MAGI2: variants seen among roughly 807,000 people sequenced by gnomAD.
MAGI2 encodes membrane associated guanylate kinase, WW and PDZ domain containing 2.
MAGI2 carries 35 observed loss-of-function variants against 133.3 expected under a neutral mutation model. The ratio of observed to expected loss-of-function variants is 0.26; its 90% CI spans 0.20 to 0.35. The LOEUF (loss-of-function observed/expected upper bound fraction) is 0.35. MAGI2 is among the 10% of genes least tolerant of loss of function. The pLI is 1.00. For synonymous variants in MAGI2, 729 were observed against 710.6 expected, an observed-to-expected ratio of 1.03 and a Z score of -0.41; for missense variants, 1,636 against 1,863.4, an observed-to-expected ratio of 0.88 and a Z score of 2.25.
At chr7:78,284,722 G>A (rs1055629498) in intron 9 of MAGI2, among the ~76,000 whole-genome samples, 4 of 151,988 alleles carry the variant, frequency 2.6e-5, no homozygotes, top group African/African-American at 9.7e-5. Context: ...GTCTTCAGTG[G>A]AGAAACTTAG....
intron 1 of MAGI2, among the ~76,000 whole-genome samples, chr7:79,119,291 C>T (rs761486769): frequency 6.6e-6 from 1 of 152,000 alleles, no homozygotes; most frequent in African/African-American, 2.4e-5. Context: ...TTCCAGGACA[C>T]GTTTCAAAGC....
chr7:78,598,420 C>T (rs1804845108), intron 3 of MAGI2, among the ~76,000 whole-genome samples: 1 of 151,806 alleles, frequency 6.6e-6, no homozygotes, highest in Non-Finnish European at 1.5e-5. Flanking sequence ...TATGAGAGGG[C>T]ATGGCCTATT....
chr7:79,268,837 C>A (rs188007858), intron 1 of MAGI2, among the ~76,000 whole-genome samples: 18 of 152,160 alleles, frequency 1.2e-4, no homozygotes, highest in African/African-American at 4.3e-4. Context: ...GTGCTGGCCT[C>A]TGCCTCAACA....
intron 1 of MAGI2, among the ~76,000 whole-genome samples, chr7:79,081,725 C>G (rs1369062758): frequency 6.6e-6 from 1 of 152,010 alleles, no homozygotes; most frequent in Non-Finnish European, 1.5e-5. Flanking sequence ...TCCCCAGTAT[C>G]AAGAGGGGAT....
At chr7:79,240,368 A>G (rs1287195400) in intron 1 of MAGI2, among the ~76,000 whole-genome samples, 4 of 151,982 alleles carry the variant, frequency 2.6e-5, no homozygotes, top group African/African-American at 9.7e-5. Flanking sequence ...GAAAAAAAAA[A>G]AAAAAAGAAA....
chr7:78,880,016 A>G (rs1319748462), intron 2 of MAGI2, among the ~76,000 whole-genome samples: 3 of 152,130 alleles, frequency 2.0e-5, no homozygotes, highest in African/African-American at 7.2e-5. Context: ...CAGTTAGACA[A>G]AAATAGTCAA....
chr7:78,501,834 C>A, intron 4 of MAGI2, 47 bp from the exon 5 acceptor site: 1 of 1,415,952 alleles, frequency 7.1e-7, no homozygotes, highest in Non-Finnish European at 1.0e-6. Context: ...ACCATGGTAA[C>A]TCTGGACTGA....
intron 6 of MAGI2, among the ~76,000 whole-genome samples, chr7:78,401,186 CCAA>C (rs1198774874): frequency 1.6e-5 from 2 of 127,638 alleles, no homozygotes; most frequent in Non-Finnish European, 3.2e-5. Context: ...CCACCAACAA[CCAA>C]AAAAAAAAAT....
intron 2 of MAGI2, among the ~76,000 whole-genome samples, chr7:78,875,617 ATTC>A: frequency 6.6e-6 from 1 of 152,342 alleles, no homozygotes; most frequent in East Asian, 1.9e-4. Context: ...TAACCCCATG[ATTC>A]TACAAATGAC....
chr7:78,397,957 A>T (rs1292303093), intron 6 of MAGI2, among the ~76,000 whole-genome samples: 4 of 152,182 alleles, frequency 2.6e-5, no homozygotes, highest in African/African-American at 9.7e-5. Flanking sequence ...ACTATAGAGT[A>T]GCATGATAAG....
At chr7:78,447,727 T>A (rs542655417) in intron 6 of MAGI2, among the ~76,000 whole-genome samples, 1 of 152,330 alleles carries the variant, frequency 6.6e-6, no homozygotes, top group Non-Finnish European at 1.5e-5. Flanking sequence ...AAGAAAGCAA[T>A]GAATAGATAC....
chr7:78,889,245 A>G (rs891835947), intron 2 of MAGI2, among the ~76,000 whole-genome samples: 1 of 152,234 alleles, frequency 6.6e-6, no homozygotes, highest in African/African-American at 2.4e-5. Flanking sequence ...GACCAAATCT[A>G]CGTCTGATTG....
intron 1 of MAGI2, among the ~76,000 whole-genome samples, chr7:79,117,543 G>A (rs1197064479): frequency 2.0e-5 from 3 of 152,032 alleles, no homozygotes; most frequent in South Asian, 2.1e-4. Flanking sequence ...CAAATGGTAC[G>A]AAGTCTTCTG....
chr7:78,479,335 C>T (rs1792114059), intron 6 of MAGI2, among the ~76,000 whole-genome samples: 1 of 151,836 alleles, frequency 6.6e-6, no homozygotes, highest in Admixed American at 6.6e-5. Flanking sequence ...TACCAAAATC[C>T]CATATGGGTG....
At chr7:78,489,235 T>C (rs2150488640) in intron 6 of MAGI2, among the ~76,000 whole-genome samples, 1 of 152,114 alleles carries the variant, frequency 6.6e-6, no homozygotes, top group East Asian at 1.9e-4. Context: ...CAGGTCAATA[T>C]TAGAATATTG....
chr7:78,577,314 A>G (rs1802368917), intron 3 of MAGI2, among the ~76,000 whole-genome samples: 1 of 152,224 alleles, frequency 6.6e-6, no homozygotes, highest in African/African-American at 2.4e-5. Context: ...TTCAAAAATG[A>G]AAACAACAAC....
intron 3 of MAGI2, among the ~76,000 whole-genome samples, chr7:78,562,121 T>C (rs1468467586): frequency 6.6e-6 from 1 of 152,206 alleles, no homozygotes; most frequent in Non-Finnish European, 1.5e-5. Context: ...GGCAGTGATG[T>C]ACATAAAGAT....
chr7:78,282,507 A>G (rs1161401545), intron 9 of MAGI2, among the ~76,000 whole-genome samples: 2 of 152,036 alleles, frequency 1.3e-5, no homozygotes, highest in African/African-American at 2.4e-5. Context: ...CGTGTAGCCC[A>G]TAAAGCCAAG....
At chr7:78,938,355 A>G (rs958880146) in intron 2 of MAGI2, among the ~76,000 whole-genome samples, 2 of 152,280 alleles carry the variant, frequency 1.3e-5, no homozygotes, top group East Asian at 3.9e-4. Flanking sequence ...GACAATGATA[A>G]TGTGAAAATA....
Sources: gnomAD v4.1 joint callset for allele counts (sites outside exome capture counted in the v4.1 genomes callset) on GRCh38, gnomAD v4.1.1 for gene constraint, MANE v1.5 for transcripts, NCBI Gene and HGNC (gene_info 2026-07-23, HGNC 2026-07-21) for gene names.